Variants in ACBD6 observed in about 807,000 individuals in gnomAD.
ACBD6 encodes acyl-CoA-binding domain-containing protein 6.
ACBD6 carries 28 observed loss-of-function variants against 37.2 expected under a neutral mutation model. The observed-to-expected ratio is 0.75, with a 90% CI of 0.56 to 1.03. ACBD6 has a LOEUF of 1.03. Ranked by LOEUF, ACBD6 falls within the 50% of genes least tolerant of loss-of-function variation. The pLI is 0.00. For synonymous variants in ACBD6, 113 were observed against 126.8 expected, an observed-to-expected ratio of 0.89 and a Z score of 0.73; for missense variants, 340 against 337.4, an observed-to-expected ratio of 1.01 and a Z score of -0.06.
chr1:180,413,739 C>T (rs949524859), intron 4 of ACBD6, among the ~76,000 whole-genome samples: 5 of 151,598 alleles, frequency 3.3e-5, no homozygotes, highest in African/African-American at 9.7e-5. Context: ...TTTCTTAAAG[C>T]AAAGAAAATC....
chr1:180,438,693 C>T (rs1649155514), intron 3 of ACBD6, among the ~76,000 whole-genome samples: 1 of 152,104 alleles, frequency 6.6e-6, no homozygotes, highest in African/African-American at 2.4e-5. Context: ...CACCCACTGC[C>T]CCCATTACTA....
intron 5 of ACBD6, among the ~76,000 whole-genome samples, chr1:180,397,961 G>T (rs1371926636): frequency 3.9e-5 from 6 of 152,116 alleles, no homozygotes; most frequent in African/African-American, 1.4e-4. Context: ...GATGAGGCAG[G>T]AGAATCGCTT....
exon 14 of ACBD6, chr1:180,271,531 A>G (rs1648658643): frequency 6.2e-7 from 1 of 1,614,126 alleles, no homozygotes; most frequent in Non-Finnish European, 8.5e-7. Context: ...TGAGGGTCGT[A>G]CAGGTGAGAT....
At chr1:180,327,477 G>A (rs146192697) in intron 6 of ACBD6, among the ~76,000 whole-genome samples, 125 of 152,242 alleles carry the variant, frequency 8.2e-4, no homozygotes, top group African/African-American at 2.7e-3. Context: ...TTAAAACCAG[G>A]TACTGTGATT....
intron 3 of ACBD6, among the ~76,000 whole-genome samples, chr1:180,450,522 G>A (rs1272114456): frequency 6.6e-6 from 1 of 152,186 alleles, no homozygotes; most frequent in Non-Finnish European, 1.5e-5. Flanking sequence ...ACTTTGGGAG[G>A]CCCAGGCAGG....
At chr1:180,309,928 ATAC>A (rs1181225294) in intron 7 of ACBD6, among the ~76,000 whole-genome samples, 5 of 152,150 alleles carry the variant, frequency 3.3e-5, no homozygotes, top group Non-Finnish European at 5.9e-5. Flanking sequence ...TATGACAGAA[ATAC>A]TATATAAACA....
intron 6 of ACBD6, among the ~76,000 whole-genome samples, chr1:180,363,953 AC>A (rs1423549016): frequency 1.3e-5 from 2 of 152,248 alleles, no homozygotes; most frequent in African/African-American, 4.8e-5. Flanking sequence ...GTCGGCAAGT[AC>A]TAGAAAATTA....
rs1414595640 is a variant in ACBD6 at position 180,502,326 on chromosome 1, G to C, written c.-60C>G. ...CTGTCCTCCTTGGATTGGGTGTAAGGCCGGCTTGGAGGCCTGGCCCACCAG... is the reference window on the plus strand; with the variant it reads ...CTGTCCTCCTTGGATTGGGTGTAAGCCCGGCTTGGAGGCCTGGCCCACCAG... On this transcript the variant is annotated 5_prime_UTR_variant, in exon 1 of 8. Transcript: ENST00000367595. 3.8e-6 allele frequency: 6 copies of C among 1,584,748 alleles called. No individual in the cohort carries two copies. Among genetic ancestry groups the C allele is most frequent in the Non-Finnish European group, 5.2e-6 (6 of 1,161,800 alleles).
intron 6 of ACBD6, among the ~76,000 whole-genome samples, chr1:180,343,553 C>A (rs948894972): frequency 1.7e-4 from 26 of 152,234 alleles, no homozygotes; most frequent in African/African-American, 5.8e-4. Context: ...ACAGCTACTC[C>A]TCTTTATAAG....
At chr1:180,337,520 A>G (rs1030576237) in intron 6 of ACBD6, among the ~76,000 whole-genome samples, 3 of 152,216 alleles carry the variant, frequency 2.0e-5, no homozygotes, top group African/African-American at 7.2e-5. Context: ...AATAAGAGCT[A>G]TCTATGACAA....
chr1:180,360,987 G>A (rs1371397556), intron 6 of ACBD6, among the ~76,000 whole-genome samples: 1 of 152,140 alleles, frequency 6.6e-6, no homozygotes, highest in African/African-American at 2.4e-5. Flanking sequence ...GCAAAGGGGG[G>A]TCAGTTGAAT....
At chr1:180,364,137 TGGCTAATATTG>T (rs1480303886) in intron 6 of ACBD6, among the ~76,000 whole-genome samples, 1 of 152,234 alleles carries the variant, frequency 6.6e-6, no homozygotes, top group Non-Finnish European at 1.5e-5. Context: ...ATAACTTGTC[TGGCTAATATTG>T]GGCTAATATA....
intron 6 of ACBD6, among the ~76,000 whole-genome samples, chr1:180,348,818 T>A (rs1445888450): frequency 6.6e-6 from 1 of 152,228 alleles, no homozygotes; most frequent in African/African-American, 2.4e-5. Flanking sequence ...TCTAAACCTT[T>A]ATTTTCTACT....
In ACBD6 at chr1:180,411,207, A is replaced by G. The variant is rs558630364; in HGVS notation, c.573+2159T>C. On this transcript the variant is annotated intron_variant, in intron 5 of 7. Coordinates refer to ENST00000367595, the MANE Select transcript of ACBD6 (RefSeq NM_032360.4). ...CAAACAAAGTGGTTTCTTAAGACAGAATCTACTCCGGCGAAGATGTTGTGA... is the reference window on the plus strand; with the variant it reads ...CAAACAAAGTGGTTTCTTAAGACAGGATCTACTCCGGCGAAGATGTTGTGA... Among the ~76,000 whole-genome samples, 7 of 152,352 alleles carry G rather than the reference A, an allele frequency of 4.6e-5. 1 individual carries two copies. The highest frequency in any genetic ancestry group is 4.6e-4 in the Admixed American group (7 of 15,294).
chr1:180,314,618 A>C, intron 7 of ACBD6, 74 bp downstream of exon 7: 1 of 1,262,754 alleles, frequency 7.9e-7, no homozygotes, highest in Middle Eastern at 2.0e-4. Flanking sequence ...ACTATATAGG[A>C]ATGGACAAAG....
At chr1:180,353,443 A>C (rs925946494) in intron 6 of ACBD6, among the ~76,000 whole-genome samples, 1 of 152,184 alleles carries the variant, frequency 6.6e-6, no homozygotes, top group African/African-American at 2.4e-5. Context: ...AGACAACTGC[A>C]ACTCTGAACA....
intron 7 of ACBD6, among the ~76,000 whole-genome samples, chr1:180,298,402 C>G (rs914583740): frequency 5.3e-5 from 8 of 152,142 alleles, no homozygotes; most frequent in African/African-American, 1.9e-4. Context: ...TCCAACCCAA[C>G]AGTTACGCGA....
chr1:180,366,902 T>C (rs779579219), intron 6 of ACBD6, among the ~76,000 whole-genome samples: 74 of 152,142 alleles, frequency 4.9e-4, no homozygotes, highest in Non-Finnish European at 7.5e-4. Flanking sequence ...GGCAACACAA[T>C]GCAGGAAAAA....
chr1:180,377,065 G>C (rs1424710197), intron 6 of ACBD6, among the ~76,000 whole-genome samples: 1 of 152,066 alleles, frequency 6.6e-6, no homozygotes, highest in African/African-American at 2.4e-5. Context: ...GTTTCACACA[G>C]AGGTATGAGT....
Sources: allele counts gnomAD v4.1 joint callset (sites outside exome capture counted in the v4.1 genomes callset), GRCh38; gene constraint gnomAD v4.1.1; transcripts MANE v1.5; gene names NCBI Gene and HGNC (gene_info 2026-07-23, HGNC 2026-07-21).